Variants in GLRA2 observed in about 807,000 individuals in gnomAD.
The protein encoded by GLRA2 is glycine receptor alpha 2, also known as glycine receptor subunit alpha-2.
GLRA2 carries 11 observed loss-of-function variants against 31.6 expected under a neutral mutation model. The observed-to-expected ratio is 0.35, with a 90% CI of 0.22 to 0.58. The LOEUF is 0.58. Ranked by LOEUF, GLRA2 falls within the 20% of genes least tolerant of loss-of-function variation. The pLI, the probability that GLRA2 is intolerant of heterozygous loss-of-function variation, is 0.84. For synonymous variants in GLRA2, 132 were observed against 134.0 expected (o/e 0.99, Z 0.10); for missense variants, 212 against 351.8 (o/e 0.60, Z 3.18).
At chrX:14,493,535 ATATATATACT>A in the GLRA2 span, among the ~76,000 whole-genome samples, 1 of 105,738 alleles carries the variant, frequency 9.5e-6, no homozygotes, top group Non-Finnish European at 1.9e-5. Context: ...ATATATACAC[ATATATATACT>A]TATATACATA....
intron 7 of GLRA2, 100 bp from the exon 8 acceptor site, chrX:14,690,610 C>A: frequency 1.7e-6 from 1 of 575,586 alleles, no homozygotes. Context: ...TATTTTGCTG[C>A]TCACACCATT....
chrX:14,569,378 G>T (rs2147052060), intron 2 of GLRA2, among the ~76,000 whole-genome samples: 1 of 112,382 alleles, frequency 8.9e-6, no homozygotes, highest in Admixed American at 9.4e-5. Context: ...TCTGAGGAGG[G>T]TTTAATATCC....
intron 2 of GLRA2, among the ~76,000 whole-genome samples, chrX:14,556,079 C>A (rs924387470): frequency 8.9e-6 from 1 of 111,961 alleles, no homozygotes; most frequent in African/African-American, 3.2e-5. Flanking sequence ...TGCAAAATTT[C>A]ATCAATTAGG....
chrX:14,645,462 G>GAA (rs1239616083), intron 7 of GLRA2, among the ~76,000 whole-genome samples: 1 of 111,606 alleles, frequency 9.0e-6, no homozygotes, highest in Non-Finnish European at 1.9e-5. Flanking sequence ...CAGAAAATGA[G>GAA]AAAATTATGG....
intron 2 of GLRA2, among the ~76,000 whole-genome samples, chrX:14,541,904 A>G (rs112461273): frequency 0.2 from 22,607 of 110,605 alleles, 2,288 homozygotes; most frequent in Non-Finnish European, 0.31. Flanking sequence ...AAACAAATTA[A>G]CAACCAACCA....
intron 2 of GLRA2, among the ~76,000 whole-genome samples, chrX:14,552,079 G>A (rs1448759104): frequency 1.8e-5 from 2 of 112,246 alleles, no homozygotes; most frequent in African/African-American, 6.5e-5. Context: ...TGTGCCTAAC[G>A]TATAGCAACT....
At chrX:14,645,264 A>T (rs1236304587) in intron 7 of GLRA2, among the ~76,000 whole-genome samples, 2 of 111,880 alleles carry the variant, frequency 1.8e-5, no homozygotes, top group Non-Finnish European at 3.8e-5. Context: ...TTTGAGCCAC[A>T]AACCCTCTTT....
chrX:14,693,018 T>G (rs1159071602), intron 8 of GLRA2, among the ~76,000 whole-genome samples: 2 of 106,492 alleles, frequency 1.9e-5, no homozygotes, highest in Non-Finnish European at 3.9e-5. Flanking sequence ...ATTGTGCACA[T>G]GTACCCTAAA....
At chrX:14,471,276 A>G in the GLRA2 span, among the ~76,000 whole-genome samples, 3 of 112,153 alleles carry the variant, frequency 2.7e-5, no homozygotes, top group Admixed American at 9.5e-5. Flanking sequence ...TGATGGTGAT[A>G]GAAAACCATA....
At chrX:14,526,040 G>T (rs1345133877), upstream of GLRA2, among the ~76,000 whole-genome samples, 1 of 112,150 alleles carries the variant, frequency 8.9e-6, no homozygotes, top group Non-Finnish European at 1.9e-5. Flanking sequence ...ATGATGACGA[G>T]CTCCTTGAGT....
intron 7 of GLRA2, among the ~76,000 whole-genome samples, chrX:14,655,747 A>G (rs1282410540): frequency 1.0e-5 from 1 of 99,898 alleles, no homozygotes; most frequent in Non-Finnish European, 2.1e-5. Context: ...GCATCCTCCC[A>G]GCACTTGTGA....
rs2091936427 is a variant in GLRA2, at chrX:14,726,958, T to C, written c.1081-3249T>C. On this transcript the variant is annotated intron_variant, in intron 8 of 8. Coordinates refer to ENST00000218075, the MANE Select transcript of GLRA2 (RefSeq NM_002063.4). ...GTTTATAGAGGTGAGAGCTGTAATT[T>C]GCAAGATTCTGCAGATACGCAAAGG... Among the ~76,000 whole-genome samples, 4 of 110,947 alleles carry C rather than the reference T, an allele frequency of 3.6e-5. No homozygotes were observed. In the Admixed American group the frequency reaches 3.8e-4, roughly 11 times the overall value.
chrX:14,475,659 A>T, the GLRA2 span, among the ~76,000 whole-genome samples: 4 of 111,425 alleles, frequency 3.6e-5, no homozygotes, highest in Non-Finnish European at 5.6e-5. Context: ...CCTCTATCCA[A>T]GGTAATAAAT....
the GLRA2 span, among the ~76,000 whole-genome samples, chrX:14,518,545 A>G: frequency 1.8e-5 from 2 of 112,200 alleles, no homozygotes; most frequent in African/African-American, 6.5e-5. Context: ...ATGAAAAGGA[A>G]TGAATCCTTG....
chrX:14,609,241 G>A, intron 7 of GLRA2, 36 bp downstream of exon 7: 1 of 940,718 alleles, frequency 1.1e-6, no homozygotes, highest in Non-Finnish European at 1.5e-6. Context: ...TGACATGAAA[G>A]CTTCCCAAAG....
intron 2 of GLRA2, among the ~76,000 whole-genome samples, chrX:14,539,410 A>C (rs1477215929): frequency 9.0e-6 from 1 of 111,560 alleles, no homozygotes; most frequent in Middle Eastern, 4.2e-3. Context: ...GCTACTCTGC[A>C]CACTTATGAC....
At chrX:14,479,318 A>G in the GLRA2 span, among the ~76,000 whole-genome samples, 2 of 111,891 alleles carry the variant, frequency 1.8e-5, no homozygotes, top group African/African-American at 6.5e-5. Flanking sequence ...ACATTGCAGA[A>G]CCAGAATGGT....
intron 2 of GLRA2, among the ~76,000 whole-genome samples, chrX:14,543,832 C>CT (rs1214411088): frequency 9.0e-6 from 1 of 111,066 alleles, no homozygotes; most frequent in Non-Finnish European, 1.9e-5. Flanking sequence ...ATTTTAAAAA[C>CT]TTTTTTTTAC....
intron 8 of GLRA2, among the ~76,000 whole-genome samples, chrX:14,719,317 A>G (rs1246846781): frequency 8.9e-6 from 1 of 112,037 alleles, no homozygotes; most frequent in Non-Finnish European, 1.9e-5. Context: ...TAAGGGATCA[A>G]TATCAAAAAT....
Sources: gnomAD v4.1 joint callset for allele counts (sites outside exome capture counted in the v4.1 genomes callset) on GRCh38, gnomAD v4.1.1 for gene constraint, MANE v1.5 for transcripts, NCBI Gene and HGNC (gene_info 2026-07-23, HGNC 2026-07-21) for gene names.